The following DENND10 variants were observed in gnomAD, a reference collection of about 807,000 sequenced individuals.
The protein encoded by DENND10 is DENN domain containing 10.
Under a neutral mutation model 43.6 loss-of-function variants are expected in DENND10, and 24 were observed. The observed-to-expected ratio is 0.55, with a 90% CI of 0.40 to 0.77. The LOEUF is 0.77. DENND10 is among the 30% of genes least tolerant of loss of function. DENND10 has a pLI of 0.00. For missense variants in DENND10, 303 were observed against 429.9 expected (o/e 0.70, Z 2.61); for synonymous variants, 125 against 157.6 (o/e 0.79, Z 1.55).
chr10:119,121,430 C>T (rs1845569312), intron 5 of DENND10, among the ~76,000 whole-genome samples: 1 of 148,924 alleles, frequency 6.7e-6, no homozygotes, highest in African/African-American at 2.5e-5. Context: ...AACCACCACA[C>T]CCAGCCATTA....
At chr10:119,135,323 G>A (rs1490429351) in intron 8 of DENND10, 1 of 152,198 alleles carries the variant, frequency 6.6e-6, no homozygotes, top group African/African-American at 2.4e-5. Context: ...ATCCATAGCA[G>A]TGTTACTCAC....
In DENND10 at chr10:119,136,672, T is replaced by C. The variant is rs760599142; in HGVS notation, c.*25T>C. 9 of 1,236,916 alleles carry C rather than the reference T, an allele frequency of 7.3e-6. No homozygotes were observed. Among genetic ancestry groups the C allele is most frequent in the South Asian group, 3.1e-5 (2 of 65,274 alleles). The allele number at this position is 1,236,916 out of a possible 1,614,324, so 76.6% of individuals were successfully genotyped here. On this transcript the variant is annotated 3_prime_UTR_variant, in exon 9 of 9. Transcript: ENST00000361432. ...ACTGTGTGACAGAACGTATCACTGA[T>C]GACTGATAGAAAGCCCTCTTTCACT...
Position 119,120,241 on chromosome 10 carries a change from C to T in DENND10, c.482-100C>T, listed in dbSNP as rs550919623. The T allele has an allele frequency of 5.2e-5, 35 of 672,358 alleles. No homozygotes were observed. In the South Asian group the frequency reaches 5.3e-4, roughly 10 times the overall value. 41.6% of individuals were successfully genotyped at this position (672,358 alleles called of 1,614,324 possible). A position where few individuals can be genotyped will look rare whatever the true frequency, so the allele number is the denominator to read the frequency against. On this transcript the variant is annotated intron_variant, in intron 4 of 8. Coordinates refer to ENST00000361432, the MANE Select transcript of DENND10 (RefSeq NM_207009.4). ...CCAGCCTGGGTGACAGAGTGAGACT[C>T]GGTCTCAAAAAAAAAAGAAAAAAGA...
Position 119,104,140 on chromosome 10 carries a change from A to G in DENND10, c.-3A>G. On this transcript the variant is annotated 5_prime_UTR_variant, in exon 1 of 9. Coordinates refer to ENST00000361432, the MANE Select transcript of DENND10 (RefSeq NM_207009.4). Reference sequence around the variant, plus strand: ...CCAGAGCTGCGCGCCGCGGCGGCGGAAGATGGCTGCGGCCGAGGTGGCGGA... The same window carrying G: ...CCAGAGCTGCGCGCCGCGGCGGCGGGAGATGGCTGCGGCCGAGGTGGCGGA... 6.6e-7 allele frequency: 1 copy of G among 1,511,640 alleles called. No individual in the cohort carries two copies. Among genetic ancestry groups the G allele is most frequent in the Non-Finnish European group, 8.8e-7 (1 of 1,131,030 alleles). The allele number at this position is 1,511,640 out of a possible 1,614,324, so 93.6% of individuals were successfully genotyped here.
intron 6 of DENND10, 110 bp downstream of exon 6, chr10:119,123,679 A>G (rs1845694280): frequency 2.5e-6 from 2 of 798,250 alleles, no homozygotes; most frequent in Non-Finnish European, 2.0e-6. Context: ...GCACGATCTT[A>G]GCTCACCGCA....
chr10:119,119,050 A>G (rs1845434946), intron 4 of DENND10, among the ~76,000 whole-genome samples: 1 of 150,712 alleles, frequency 6.6e-6, no homozygotes, highest in African/African-American at 2.4e-5. Context: ...TTTTGCTCCA[A>G]CAAGTGTTGC....
intron 1 of DENND10, chr10:119,105,470 A>C: frequency 2.9e-6 from 3 of 1,047,744 alleles, no homozygotes; most frequent in Non-Finnish European, 3.7e-6. Flanking sequence ...TTTTTTGTGG[A>C]GATGGGATAC....
intron 3 of DENND10, among the ~76,000 whole-genome samples, chr10:119,112,470 CTTTTCT>C (rs1256212810): frequency 6.6e-4 from 99 of 148,978 alleles, no homozygotes; most frequent in Admixed American, 9.4e-4. Flanking sequence ...AGTCTATTTT[CTTTTCT>C]TTTTCTTTTT....
chr10:119,127,309 A>G (rs764598442), intron 6 of DENND10, among the ~76,000 whole-genome samples: 1 of 152,028 alleles, frequency 6.6e-6, no homozygotes, highest in Non-Finnish European at 1.5e-5. Flanking sequence ...TTTTTACCCT[A>G]TGGATAACCA....
chr10:119,113,179 T>C (rs1845061150), intron 3 of DENND10, among the ~76,000 whole-genome samples: 1 of 136,284 alleles, frequency 7.3e-6, no homozygotes, highest in Non-Finnish European at 1.6e-5. Flanking sequence ...GATTTTTTTT[T>C]TTTTTTTCTG....
intron 6 of DENND10, among the ~76,000 whole-genome samples, chr10:119,124,531 ACT>A (rs1265174406): frequency 6.6e-6 from 1 of 151,706 alleles, no homozygotes; most frequent in Non-Finnish European, 1.5e-5. Flanking sequence ...ACAGAGCGAG[ACT>A]CTGTCTCCAG....
chr10:119,123,404 G>A (rs1337736211), intron 5 of DENND10, 65 bp from the exon 6 acceptor site: 2 of 1,171,162 alleles, frequency 1.7e-6, no homozygotes, highest in Non-Finnish European at 2.5e-6. Flanking sequence ...AAGAGGAGAA[G>A]GGGGCAGGCT....
intron 2 of DENND10, among the ~76,000 whole-genome samples, chr10:119,110,715 A>G (rs1844934975): frequency 6.6e-6 from 1 of 152,024 alleles, no homozygotes; most frequent in Non-Finnish European, 1.5e-5. Context: ...TCGGCCTCCC[A>G]AAGTGCTGGG....
intron 2 of DENND10, 69 bp downstream of exon 2, chr10:119,108,233 C>T (rs1403309049): frequency 1.9e-5 from 22 of 1,138,034 alleles, no homozygotes; most frequent in African/African-American, 3.1e-5. Flanking sequence ...GCCTGTAATC[C>T]CAGCACTTTG....
chr10:119,111,912 A>G lies in DENND10; in HGVS notation c.316A>G (p.Thr106Ala), dbSNP rs769794644. The change falls in exon 3 of 9, where the codon ACT becomes GCT. Residue 106 changes from threonine to alanine, a missense_variant. Physicochemically the swap from Thr to Ala is moderately conservative, Grantham distance 58 (BLOSUM62 0). Coordinates refer to ENST00000361432, the MANE Select transcript of DENND10 (RefSeq NM_207009.4). ...TAACCCAGAGAAGTATGCTGCCTTCACTAGGATATTGTGTAGGTCTGTATA... is the reference window on the plus strand; with the variant it reads ...TAACCCAGAGAAGTATGCTGCCTTCGCTAGGATATTGTGTAGGTCTGTATA... ...DFNPEKYAAF[T>A]RILCRMYLKH... 1.9e-6 allele frequency: 3 copies of G among 1,610,972 alleles called. No homozygotes were observed. Among genetic ancestry groups the G allele is most frequent in the South Asian group, 1.1e-5 (1 of 90,996 alleles).
intron 3 of DENND10, among the ~76,000 whole-genome samples, chr10:119,114,856 A>ACCTCATGGTGGAGTG (rs999363478): frequency 2.7e-5 from 4 of 150,466 alleles, no homozygotes; most frequent in African/African-American, 9.8e-5. Context: ...TACCACCTCC[A>ACCTCATGGTGGAGTG]ACTCATGGGT....
chr10:119,124,527 C>T (rs1048738666), intron 6 of DENND10, among the ~76,000 whole-genome samples: 3 of 151,922 alleles, frequency 2.0e-5, no homozygotes, highest in East Asian at 1.9e-4. Context: ...GGCGACAGAG[C>T]GAGACTCTGT....
intron 3 of DENND10, among the ~76,000 whole-genome samples, chr10:119,116,554 G>A (rs1845283360): frequency 6.6e-6 from 1 of 152,076 alleles, no homozygotes; most frequent in African/African-American, 2.4e-5. Flanking sequence ...CAGGAAGTTC[G>A]TACTTCATTC....
chr10:119,136,626 C>G lies in DENND10; in HGVS notation c.1053C>G (p.Ala351=), dbSNP rs575048084. 3 of 1,514,746 alleles carry G rather than the reference C, an allele frequency of 2.0e-6. No individual in the cohort carries two copies. Among genetic ancestry groups the G allele is most frequent in the South Asian group, 1.2e-5 (1 of 80,318 alleles). The allele number at this position is 1,514,746 out of a possible 1,614,324, so 93.8% of individuals were successfully genotyped here. ...ACTTCCTTTATCATCTAGCAGCAGCCGAACAAATGCTGAAAATCTGACTGT... is the reference window on the plus strand; with the variant it reads ...ACTTCCTTTATCATCTAGCAGCAGCGGAACAAATGCTGAAAATCTGACTGT... ...TENFLYHLAA[A]EQMLKI The change falls in exon 9 of 9, where the codon GCC becomes GCG. Residue 351 remains alanine, a synonymous_variant. Coordinates refer to ENST00000361432, the MANE Select transcript of DENND10 (RefSeq NM_207009.4).
Sources: allele counts gnomAD v4.1 joint callset (sites outside exome capture counted in the v4.1 genomes callset), GRCh38; gene constraint gnomAD v4.1.1; transcripts MANE v1.5; gene names NCBI Gene and HGNC (gene_info 2026-07-23, HGNC 2026-07-21).